The following ABCD3 variants were observed in gnomAD, a reference collection of about 807,000 sequenced individuals.
ABCD3 encodes the protein ATP-binding cassette sub-family D member 3.
ABCD3 carries 41 observed loss-of-function variants against 105.5 expected under a neutral mutation model. That is an observed-to-expected ratio of 0.39 (90% CI 0.30 to 0.50). The LOEUF is 0.50. Among genes scored for constraint, ABCD3 ranks in the 20% least tolerant of loss-of-function variants. ABCD3 has a pLI of 0.84. For synonymous variants in ABCD3, 258 were observed against 269.0 expected (o/e 0.96, Z 0.40); for missense variants, 622 against 806.3 (o/e 0.77, Z 2.77).
intron 1 of ABCD3, among the ~76,000 whole-genome samples, chr1:94,434,330 G>C (rs905643964): frequency 1.3e-5 from 2 of 152,096 alleles, no homozygotes; most frequent in Non-Finnish European, 2.9e-5. Context: ...TCTGCTTGAG[G>C]CTGTTTTATA....
At chr1:94,418,147 G>A (rs1390547477), upstream of ABCD3, among the ~76,000 whole-genome samples, 1 of 152,214 alleles carries the variant, frequency 6.6e-6, no homozygotes, top group Admixed American at 6.5e-5. Context: ...GTAGGGGTGA[G>A]GCAGGGGCAG....
chr1:94,420,667 G>T (rs976091740), intron 1 of ABCD3, among the ~76,000 whole-genome samples: 3 of 152,144 alleles, frequency 2.0e-5, no homozygotes, highest in Non-Finnish European at 4.4e-5. Flanking sequence ...ATTAAAAATG[G>T]TATTGAGTGT....
intron 1 of ABCD3, among the ~76,000 whole-genome samples, chr1:94,446,434 C>T (rs1055173142): frequency 7.9e-5 from 12 of 152,198 alleles, no homozygotes; most frequent in African/African-American, 2.4e-4. Context: ...CAAATACATA[C>T]AGGAGTCATT....
intron 4 of ABCD3, among the ~76,000 whole-genome samples, chr1:94,470,570 A>T (rs1648404631): frequency 6.8e-6 from 1 of 146,498 alleles, no homozygotes; most frequent in East Asian, 2.0e-4. Flanking sequence ...ATTGGTATGA[A>T]TTTTTTTTTT....
intron 16 of ABCD3, among the ~76,000 whole-genome samples, chr1:94,493,209 CTAA>C (rs1209411454): frequency 6.6e-6 from 1 of 151,646 alleles, no homozygotes; most frequent in Non-Finnish European, 1.5e-5. Flanking sequence ...TGACAAAGGG[CTAA>C]TATCCAGAAT....
In ABCD3 at chr1:94,450,669, A is replaced by G. The variant is rs557446209; in HGVS notation, c.111-7938A>G. On this transcript the variant is annotated intron_variant, in intron 1 of 22. Coordinates refer to ENST00000370214, the MANE Select transcript of ABCD3 (RefSeq NM_002858.4). ...GGGTAAATCTCTGTTTGGGGCTCTCAGCTCTGAAGGCTGTGAGACCCCTGA... is the reference window on the plus strand; with the variant it reads ...GGGTAAATCTCTGTTTGGGGCTCTCGGCTCTGAAGGCTGTGAGACCCCTGA... Among the ~76,000 whole-genome samples, 21 of 152,294 alleles carry G rather than the reference A, an allele frequency of 1.4e-4. No individual in the cohort carries two copies. The South Asian group carries it at 4.4e-3, about 32-fold the overall frequency.
At position 94,418,400 on chromosome 1, in the gene ABCD3, C is replaced by CG; in HGVS notation, c.-79_-78insG. ...CCCTCTGCTCTCCTCCCAGTCTCCC[C>CG]CGCGCTGCGTGCAGTAAGGTAGCCG... On this transcript the variant is annotated 5_prime_UTR_variant, in exon 1 of 23. Coordinates refer to ENST00000370214, the MANE Select transcript of ABCD3 (RefSeq NM_002858.4). 7.8e-7 allele frequency: 1 copy of CG among 1,288,618 alleles called. No individual in the cohort carries two copies. Among genetic ancestry groups the CG allele is most frequent in the Non-Finnish European group, 1.1e-6 (1 of 923,572 alleles). The allele number at this position is 1,288,618 out of a possible 1,614,324, so 79.8% of individuals were successfully genotyped here. A position where few individuals can be genotyped will look rare whatever the true frequency, so the allele number is the denominator to read the frequency against.
At position 94,425,979 on chromosome 1, in the gene ABCD3, A is replaced by T. The variant is rs568159930; in HGVS notation, c.110+7391A>T. Among the ~76,000 whole-genome samples, 3 of 152,262 alleles carry T rather than the reference A, an allele frequency of 2.0e-5. No homozygotes were observed. In the South Asian group the frequency reaches 6.2e-4, roughly 32 times the overall value. Reference sequence around the variant, plus strand: ...AGAACAGGGATAGTAGTATTTACTCACTCACTCAGCAGTTAAGTGAGGATT... The same window carrying T: ...AGAACAGGGATAGTAGTATTTACTCTCTCACTCAGCAGTTAAGTGAGGATT... On this transcript the variant is annotated intron_variant, in intron 1 of 22. Transcript: ENST00000370214.
At chr1:94,483,974 G>C (rs1242946045) in intron 10 of ABCD3, among the ~76,000 whole-genome samples, 1 of 152,128 alleles carries the variant, frequency 6.6e-6, no homozygotes, top group African/African-American at 2.4e-5. Context: ...CAAAAAGTGG[G>C]CAAAGGATAT....
chr1:94,493,184 C>T (rs1377136642), intron 16 of ABCD3, among the ~76,000 whole-genome samples: 5 of 151,728 alleles, frequency 3.3e-5, no homozygotes, highest in Admixed American at 6.6e-5. Context: ...AGAAAATTTT[C>T]GCAACCTACT....
rs374781989 is a variant in ABCD3, at chr1:94,432,989, G to T, written c.110+14401G>T. ...CCTGCCTCAGCCTCCTGAGTAACTG[G>T]TATTACAGGCACGCACCACCACCAT... is the stretch of plus-strand genomic sequence containing the variant. On this transcript the variant is annotated intron_variant, in intron 1 of 22. Coordinates refer to ENST00000370214, the MANE Select transcript of ABCD3 (RefSeq NM_002858.4). Among the ~76,000 whole-genome samples the T allele has an allele frequency of 2.5e-4, 38 of 151,660 alleles. No homozygotes were observed. In the East Asian group the frequency reaches 6.8e-3, roughly 27 times the overall value.
At chr1:94,451,783 C>T (rs138980020) in intron 1 of ABCD3, among the ~76,000 whole-genome samples, 19 of 152,280 alleles carry the variant, frequency 1.2e-4, no homozygotes, top group African/African-American at 4.1e-4. Context: ...TCACTGTCCT[C>T]CAGTCACCCA....
chr1:94,424,089 A>G (rs1659374774), intron 1 of ABCD3, among the ~76,000 whole-genome samples: 1 of 152,004 alleles, frequency 6.6e-6, no homozygotes, highest in South Asian at 2.1e-4. Context: ...CCTTGGATGG[A>G]AAAAAAAGCA....
At position 94,489,932 on chromosome 1, in the gene ABCD3, A is replaced by G. The variant is rs762703708; in HGVS notation, c.1279A>G (p.Ile427Val). ...GIEGVQVIPL[I>V]PGAGEIIIAD... is the part of the protein sequence containing the mutation. Reference sequence around the variant, plus strand: ...TGAAGGAGTACAAGTCATTCCCTTGATACCTGGTGCTGGAGAAATCATTAT... The same window carrying G: ...TGAAGGAGTACAAGTCATTCCCTTGGTACCTGGTGCTGGAGAAATCATTAT... The change falls in exon 15 of 23, where the codon ATA (isoleucine) becomes GTA (valine). Residue 427 changes from isoleucine to valine, a missense_variant. By Grantham distance (29) the Ile-to-Val change is conservative. This residue lies in a region of ABCD3 where 285 missense variants were observed against 352.5 expected (regional missense o/e 0.81). Transcript: ENST00000370214. 2 of 1,613,240 alleles carry G rather than the reference A, an allele frequency of 1.2e-6. No individual in the cohort carries two copies. The highest frequency in any genetic ancestry group is 1.7e-6 in the Non-Finnish European group (2 of 1,179,360).
intron 17 of ABCD3, 29 bp downstream of exon 17, chr1:94,498,708 C>T (rs1557688118): frequency 6.2e-7 from 1 of 1,613,074 alleles, no homozygotes; most frequent in Non-Finnish European, 8.5e-7. Flanking sequence ...CAAAATTTTG[C>T]AGTCTTATTT....
At chr1:94,443,847 A>G (rs368322612) in intron 1 of ABCD3, among the ~76,000 whole-genome samples, 37 of 152,288 alleles carry the variant, frequency 2.4e-4, no homozygotes, top group African/African-American at 8.9e-4. Context: ...TTTAGAATTC[A>G]CATGTTGGGA....
intron 1 of ABCD3, among the ~76,000 whole-genome samples, chr1:94,426,709 A>G (rs920960429): frequency 4.0e-5 from 6 of 151,676 alleles, no homozygotes; most frequent in Admixed American, 3.9e-4. Flanking sequence ...CACCCAGCTA[A>G]TTTTTTTGTA....
At chr1:94,457,213 G>A (rs1416560792) in intron 1 of ABCD3, among the ~76,000 whole-genome samples, 2 of 151,904 alleles carry the variant, frequency 1.3e-5, no homozygotes, top group East Asian at 1.9e-4. Context: ...TTGTTTTGTC[G>A]TGCTAAAATG....
intron 7 of ABCD3, 28 bp downstream of exon 7, chr1:94,475,765 ATTTG>A: frequency 6.4e-7 from 1 of 1,568,422 alleles, no homozygotes; most frequent in Non-Finnish European, 8.8e-7. Context: ...TTAAAAGATT[ATTTG>A]TTTAATTTTT....
Sources: allele counts gnomAD v4.1 joint callset (sites outside exome capture counted in the v4.1 genomes callset), GRCh38; gene constraint gnomAD v4.1.1; regional missense constraint gnomAD v4.1.1; transcripts MANE v1.5; gene names NCBI Gene and HGNC (gene_info 2026-07-23, HGNC 2026-07-21).